KEAP1: variants seen among roughly 807,000 people sequenced by gnomAD.
KEAP1 encodes kelch-like ECH-associated protein 1.
A neutral mutation model predicts 59.7 loss-of-function variants in KEAP1; 26 were observed. That is an observed-to-expected ratio of 0.44 (90% CI 0.32 to 0.60). The LOEUF is 0.60. Among genes scored for constraint, KEAP1 ranks in the 20% least tolerant of loss-of-function variants. KEAP1 has a pLI of 0.06. For synonymous variants in KEAP1, 350 were observed against 358.3 expected, an observed-to-expected ratio of 0.98 and a Z score of 0.26; for missense variants, 539 against 871.4, an observed-to-expected ratio of 0.62 and a Z score of 4.80.
chr19:10,490,547 T>A (rs1439072246), intron 3 of KEAP1, among the ~76,000 whole-genome samples: 1 of 152,008 alleles, frequency 6.6e-6, no homozygotes, highest in Non-Finnish European at 1.5e-5. Flanking sequence ...ACACCTGACC[T>A]CAAGTGATCT....
chr19:10,492,016 G>C lies in KEAP1; in HGVS notation c.886C>G (p.Arg296Gly). The change falls in exon 3 of 6, where the codon CGC (arginine) becomes GGC (glycine). Residue 296 changes from arginine (R) to glycine (G), a missense_variant. Physicochemically the swap from Arg to Gly is moderately radical, Grantham distance 125 (BLOSUM62 -2). Coordinates refer to ENST00000171111, the MANE Select transcript of KEAP1 (RefSeq NM_203500.2). ...ATCTTGACCAGGTAGTCCTTGCAGCGGGAGTCGGACTGCAGGATCTCGCAC... is the reference window on the plus strand; with the variant it reads ...ATCTTGACCAGGTAGTCCTTGCAGCCGGAGTCGGACTGCAGGATCTCGCAC... ...QKCEILQSDSRCKDYLVKIFE... is the reference protein window; with the variant it reads ...QKCEILQSDSGCKDYLVKIFE... 1.2e-6 allele frequency: 2 copies of C among 1,614,084 alleles called. No individual in the cohort carries two copies. The highest frequency in any genetic ancestry group is 1.7e-6 in the Non-Finnish European group (2 of 1,180,046).
At chr19:10,498,839 ATT>A (rs35169125) in intron 2 of KEAP1, among the ~76,000 whole-genome samples, 17 of 145,442 alleles carry the variant, frequency 1.2e-4, no homozygotes, top group Admixed American at 5.5e-4. Context: ...TTGTTTTTTA[ATT>A]TTTTTTTTTT....
chr19:10,497,224 T>C (rs1451065530), intron 2 of KEAP1, among the ~76,000 whole-genome samples: 1 of 152,134 alleles, frequency 6.6e-6, no homozygotes, highest in Non-Finnish European at 1.5e-5. Context: ...TGTATATGTT[T>C]CTCCTACTGT....
Position 10,489,264 on chromosome 19 carries a change from A to G in KEAP1, c.1636T>C (p.Phe546Leu). The change falls in exon 5 of 6, where the codon TTC becomes CTC. Residue 546 changes from phenylalanine to leucine, a missense_variant. By Grantham distance (22) the Phe-to-Leu change is conservative. Transcript: ENST00000171111. ...CGCCGGTGCTTCATGGGGGCTACGA[A>G]AGTCCACGTCTCTGTTTCCACATCG... ...RYDVETETWT[F>L]VAPMKHRRSA... The G allele has an allele frequency of 6.2e-7, 1 of 1,613,530 alleles. No homozygotes were observed. Among genetic ancestry groups the G allele is most frequent in the Non-Finnish European group, 8.5e-7 (1 of 1,179,966 alleles).
chr19:10,494,476 G>A (rs1484701193), intron 2 of KEAP1, among the ~76,000 whole-genome samples: 10 of 149,870 alleles, frequency 6.7e-5, no homozygotes, highest in Non-Finnish European at 1.0e-4. Flanking sequence ...GACTACAGGC[G>A]CCCACCACCA....
chr19:10,499,989 T>C lies in KEAP1; in HGVS notation c.45A>G (p.Arg15=), dbSNP rs1351942598. The C allele has an allele frequency of 6.3e-7, 1 of 1,580,824 alleles. No individual in the cohort carries two copies. Residue 15 remains arginine, a synonymous_variant, in exon 2 of 6, where the codon CGA becomes CGG. Transcript: ENST00000171111. This position sits in a 1 kb window ranked among gnomAD's most constrained non-coding sequence, Gnocchi z 6.7. ...GGCACTGTGACTGCAGGGGCAGGAA[T>C]CGGCAGCAGGCCCCAGCCCCGCTAG... ...PRPSGAGACC[R]FLPLQSQCPE...
At chr19:10,494,661 T>C (rs1432762812) in intron 2 of KEAP1, among the ~76,000 whole-genome samples, 16 of 142,312 alleles carry the variant, frequency 1.1e-4, no homozygotes, top group African/African-American at 3.6e-4. Context: ...TTGTTTCTTT[T>C]TTTTTTTTTT....
intron 5 of KEAP1, among the ~76,000 whole-genome samples, chr19:10,487,826 T>TCAAA (rs1169010459): frequency 1.3e-5 from 2 of 151,024 alleles, no homozygotes; most frequent in African/African-American, 4.9e-5. Flanking sequence ...TGAAACCCCG[T>TCAAA]CTCTACTAAA....
At chr19:10,486,935 G>A (rs1442304005) in intron 5 of KEAP1, 117 bp from the exon 6 acceptor site, 26 of 1,075,816 alleles carry the variant, frequency 2.4e-5, no homozygotes, top group East Asian at 1.0e-4. Flanking sequence ...GGTGGCTCAC[G>A]CCTATAATCC....
Position 10,489,262 on chromosome 19 carries a change from G to A in KEAP1, c.1638C>T (p.Phe546=), listed in dbSNP as rs778767552. The change falls in exon 5 of 6, where the codon TTC becomes TTT. Residue 546 remains phenylalanine (F), a synonymous_variant. Coordinates refer to ENST00000171111, the MANE Select transcript of KEAP1 (RefSeq NM_203500.2). ...RYDVETETWT[F]VAPMKHRRSA... ...TTCGCCGGTGCTTCATGGGGGCTAC[G>A]AAAGTCCACGTCTCTGTTTCCACAT... 3.2e-5 allele frequency: 51 copies of A among 1,613,368 alleles called. No homozygotes were observed. In the Middle Eastern group the frequency reaches 1.1e-3, roughly 34 times the overall value.
Position 10,491,386 on chromosome 19 carries a change from T to TATGG in KEAP1, c.1325+190_1325+191insCCAT. On this transcript the variant is annotated intron_variant, in intron 3 of 5. Transcript: ENST00000171111. The surrounding 1 kb of genome is among the most constrained non-coding windows in gnomAD (Gnocchi z 5.2). Reference sequence around the variant, plus strand: ...TGGGTTTGTGACAGTCCCCTAAGCATTTCCCAGCCCCAGGCACAGAATCAA... The same window carrying TATGG: ...TGGGTTTGTGACAGTCCCCTAAGCATATGGTTCCCAGCCCCAGGCACAGAATCAA... Among the ~76,000 whole-genome samples, 1 of 152,116 alleles carries TATGG rather than the reference T, an allele frequency of 6.6e-6. No individual in the cohort carries two copies. The highest frequency in any genetic ancestry group is 1.5e-5 in the Non-Finnish European group (1 of 68,022).
rs1914693710 is a variant in KEAP1 at position 10,492,061 on chromosome 19, G to A, written c.841C>T (p.Leu281=). 1.2e-6 allele frequency: 2 copies of A among 1,613,968 alleles called. No individual in the cohort carries two copies. The highest frequency in any genetic ancestry group is 1.1e-5 in the South Asian group (1 of 91,094). Reference sequence around the variant, plus strand: ...TCGCACTTCTGCAGCTGCATCTGCAGGAAGTTCGGCGTCAACGAGTGGCAG... The same window carrying A: ...TCGCACTTCTGCAGCTGCATCTGCAAGAAGTTCGGCGTCAACGAGTGGCAG... The part of the protein sequence containing the change: ...VRCHSLTPNF[L]QMQLQKCEIL... Residue 281 remains leucine, a synonymous_variant, in exon 3 of 6, where the codon CTG becomes TTG. Transcript: ENST00000171111.
chr19:10,501,626 T>C (rs1028334699), intron 1 of KEAP1, among the ~76,000 whole-genome samples: 1 of 151,852 alleles, frequency 6.6e-6, no homozygotes, highest in Non-Finnish European at 1.5e-5. Flanking sequence ...CAAGACTCCA[T>C]CTCAAATAAA....
rs369742912 is a variant in KEAP1, at chr19:10,486,730, C to G, written c.1797G>C (p.Ser599=). The G allele has an allele frequency of 6.2e-7, 1 of 1,614,082 alleles. No individual in the cohort carries two copies. Among genetic ancestry groups the G allele is most frequent in the Non-Finnish European group, 8.5e-7 (1 of 1,180,024 alleles). ...CAGCCACGCCCACCCCACTCCGGCC[C>G]GATGTCATTCGGGTCACCTCGCTCC... The part of the protein sequence containing the change: ...DTWSEVTRMT[S]GRSGVGVAVT... The change falls in exon 6 of 6, where the codon TCG becomes TCC. Residue 599 remains serine (S), a synonymous_variant. Transcript: ENST00000171111.
intron 4 of KEAP1, 127 bp from the exon 5 acceptor site, chr19:10,489,495 G>A: frequency 1.6e-6 from 2 of 1,257,568 alleles, no homozygotes; most frequent in South Asian, 1.4e-5. Context: ...AGCGGGGAGA[G>A]AGAGAAGCTT....
intron 3 of KEAP1, 95 bp from the exon 4 acceptor site, chr19:10,489,948 TTC>T (rs1914613177): frequency 7.1e-6 from 9 of 1,265,146 alleles, no homozygotes; most frequent in East Asian, 5.1e-5. Flanking sequence ...CCTTTTTTTT[TTC>T]CCCCTTAAAG....
At chr19:10,493,460 C>A (rs1310431101) in intron 2 of KEAP1, among the ~76,000 whole-genome samples, 3 of 151,260 alleles carry the variant, frequency 2.0e-5, no homozygotes, top group Non-Finnish European at 4.4e-5. Context: ...CCGCGCCCGG[C>A]CATTTTTTTG....
Position 10,499,308 on chromosome 19 carries a change from T to G in KEAP1, c.639+87A>C. ...CTCCTTTTTCTCCAGTTTCCTGCCT[T>G]GACATCTCAAGGGGAGACAGTGATG... On this transcript the variant is annotated intron_variant, in intron 2 of 5. Transcript: ENST00000171111. The surrounding 1 kb of genome is among the most constrained non-coding windows in gnomAD (Gnocchi z 6.7). 1.6e-6 allele frequency: 2 copies of G among 1,244,194 alleles called. No homozygotes were observed. Among genetic ancestry groups the G allele is most frequent in the Non-Finnish European group, 2.2e-6 (2 of 902,800 alleles). 77.1% of individuals were successfully genotyped at this position (1,244,194 alleles called of 1,614,324 possible).
chr19:10,489,094 TAAAAAAAAAAAAAAAA>T (rs33966407), intron 5 of KEAP1, 82 bp downstream of exon 5: 5 of 425,422 alleles, frequency 1.2e-5, no homozygotes, highest in African/African-American at 1.0e-4. Context: ...ACCTTGTTTC[TAAAAAAAAAAAAAAAA>T]AAAAAAAAAA....
Sources: allele counts gnomAD v4.1 joint callset (sites outside exome capture counted in the v4.1 genomes callset), GRCh38; gene constraint gnomAD v4.1.1; non-coding constraint Gnocchi (gnomAD v3.1); transcripts MANE v1.5; gene names NCBI Gene and HGNC (gene_info 2026-07-23, HGNC 2026-07-21).